Variants in GCM2 observed in about 807,000 individuals in gnomAD.
GCM2 encodes the protein chorion-specific transcription factor GCMb.
Under a neutral mutation model 24.8 loss-of-function variants are expected in GCM2, and 21 were observed. The ratio of observed to expected loss-of-function variants is 0.85; its 90% CI spans 0.60 to 1.22. The LOEUF is 1.22. GCM2 is among the 50% of genes most tolerant of loss of function. GCM2 has a pLI of 0.00. For missense variants in GCM2, 532 were observed against 645.6 expected (o/e 0.82, Z 1.91); for synonymous variants, 222 against 238.0 (o/e 0.93, Z 0.62).
intron 1 of GCM2, 32 bp downstream of exon 1, chr6:10,881,672 C>T: frequency 6.5e-7 from 1 of 1,541,400 alleles, no homozygotes. Context: ...TGGACAGCGC[C>T]CCGCGTGCCC....
intron 4 of GCM2, 36 bp from the exon 5 acceptor site, chr6:10,874,969 T>A: frequency 7.1e-7 from 1 of 1,412,402 alleles, no homozygotes; most frequent in Non-Finnish European, 1.0e-6. Flanking sequence ...ACACGCTATG[T>A]AAATCGTGTG....
intron 1 of GCM2, 37 bp from the exon 2 acceptor site, chr6:10,877,429 C>T (rs1779899922): frequency 3.1e-6 from 5 of 1,611,700 alleles, no homozygotes; most frequent in South Asian, 1.1e-5. Flanking sequence ...TCAGTCTATC[C>T]AGTCCAAACT....
rs755365377 is a variant in GCM2, at chr6:10,874,198, C to T, written c.1318G>A (p.Ala440Thr). ...ATAGGAGGTGGCCCTGAAGGAGAGG[C>T]TGCCCTGGTGACTGTCACCGGAGGA... Reference protein sequence around the residue: ...WGPPVTVTRAASPSGPPPMKI... With the variant: ...WGPPVTVTRATSPSGPPPMKI... Residue 440 changes from alanine to threonine, a missense_variant, in exon 5 of 5, where the codon GCC (alanine) becomes ACC (threonine). By Grantham distance (58) the Ala-to-Thr change is moderately conservative (BLOSUM62 0). Coordinates refer to ENST00000379491, the MANE Select transcript of GCM2 (RefSeq NM_004752.4). 2.5e-6 allele frequency: 4 copies of T among 1,614,222 alleles called. No individual in the cohort carries two copies. In the East Asian group the frequency reaches 8.9e-5, roughly 36 times the overall value.
Position 10,877,338 on chromosome 6 carries a change from T to G in GCM2, c.145A>C (p.Ile49Leu). The change falls in exon 2 of 5, where the codon ATC becomes CTC. Residue 49 changes from isoleucine to leucine, a missense_variant. This residue lies in a region of GCM2 where 96 missense variants were observed against 103.5 expected (regional missense o/e 0.93). Transcript: ENST00000379491. ...GCCTTCTTCTCATCGCTGCTGTAGA[T>G]GAAGCGCACATAGCCGTCAGGCCAC... is the stretch of plus-strand genomic sequence containing the variant. ...REWPDGYVRFIYSSDEKKAQR... is the reference protein window; with the variant it reads ...REWPDGYVRFLYSSDEKKAQR... 5 of 1,614,156 alleles carry G rather than the reference T, an allele frequency of 3.1e-6. No individual in the cohort carries two copies. Among genetic ancestry groups the G allele is most frequent in the Non-Finnish European group, 4.2e-6 (5 of 1,180,016 alleles).
At position 10,876,156 on chromosome 6, in the gene GCM2, G is replaced by T. The variant is rs919694881; in HGVS notation, c.457-140C>A. On this transcript the variant is annotated intron_variant, in intron 3 of 4. Transcript: ENST00000379491. ...CAAAATGACAGAAAAAAAAATTCTT[G>T]AACAAATAAAACAGGCTCAAGAATT... 5 of 896,874 alleles carry T rather than the reference G, an allele frequency of 5.6e-6. No individual in the cohort carries two copies. The African/African-American group carries it at 6.6e-5, about 12-fold the overall frequency. The allele number at this position is 896,874 out of a possible 1,614,324, so 55.6% of individuals were successfully genotyped here.
rs141188465 is a variant in GCM2 at position 10,877,354 on chromosome 6, G to A, written c.129C>T (p.Asp43=). The A allele has an allele frequency of 1.5e-5, 25 of 1,614,020 alleles. No homozygotes were observed. The highest frequency in any genetic ancestry group is 1.2e-4 in the African/African-American group (9 of 74,926). Residue 43 remains aspartate, a synonymous_variant, in exon 2 of 5, where the codon GAC becomes GAT. Transcript: ENST00000379491. ...ALFDQFREWP[D]GYVRFIYSSD... ...TGCTGTAGATGAAGCGCACATAGCC[G>A]TCAGGCCACTCTCGGAATTGGTCAA...
rs115517700 is a variant in GCM2 at position 10,875,304 on chromosome 6, G to A, written c.583-371C>T. ...ATTGTACAAGCCACTTAACCTCTCT[G>A]AGCCTCAGATCCTTCATCTTAAAAA... On this transcript the variant is annotated intron_variant, in intron 4 of 4. Transcript: ENST00000379491. Among the ~76,000 whole-genome samples, 509 of 152,272 alleles carry A rather than the reference G, an allele frequency of 3.3e-3. 4 individuals are homozygous for A. Among genetic ancestry groups the A allele is most frequent in the African/African-American group, 0.011 (464 of 41,524 alleles).
rs1779897687 is a variant in GCM2, at chr6:10,877,332, T to G, written c.151A>C (p.Ser51Arg). 15 of 1,613,976 alleles carry G rather than the reference T, an allele frequency of 9.3e-6. No individual in the cohort carries two copies. The highest frequency in any genetic ancestry group is 1.3e-5 in the African/African-American group (1 of 74,914). Reference protein sequence around the residue: ...WPDGYVRFIYSSDEKKAQRHL... With the variant: ...WPDGYVRFIYRSDEKKAQRHL... ...CGCTGTGCCTTCTTCTCATCGCTGC[T>G]GTAGATGAAGCGCACATAGCCGTCA... The change falls in exon 2 of 5, where the codon AGC becomes CGC. Residue 51 changes from serine to arginine, a missense_variant. Ser to Arg is a moderately radical substitution (Grantham distance 110, BLOSUM62 -1). This residue lies in a region of GCM2 where 96 missense variants were observed against 103.5 expected (regional missense o/e 0.93). Transcript: ENST00000379491.
intron 1 of GCM2, 126 bp downstream of exon 1, chr6:10,881,554 ATGTGTGTGTGTGTGTGTGTGTGTG>A (rs35911329): frequency 9.3e-4 from 402 of 430,836 alleles, no homozygotes; most frequent in African/African-American, 5.4e-3. Flanking sequence ...TTTTGCGGGT[ATGTGTGTGTGTGTGTGTGTGTGTG>A]TGTGTGTGTG....
intron 4 of GCM2, among the ~76,000 whole-genome samples, chr6:10,875,185 A>G (rs571278830): frequency 6.6e-6 from 1 of 152,328 alleles, no homozygotes; most frequent in South Asian, 2.1e-4. Context: ...TCTGAGTGGC[A>G]GATGGTCCTG....
intron 1 of GCM2, among the ~76,000 whole-genome samples, chr6:10,880,556 T>A (rs928525944): frequency 6.6e-6 from 1 of 151,714 alleles, no homozygotes; most frequent in African/African-American, 2.4e-5. Context: ...GACTTCAACA[T>A]CACTCAATTT....
chr6:10,881,084 C>T (rs906281254), intron 1 of GCM2, among the ~76,000 whole-genome samples: 2 of 152,240 alleles, frequency 1.3e-5, no homozygotes, highest in African/African-American at 4.8e-5. Context: ...GCCTGACCAA[C>T]ATTTCCTGCT....
rs759750548 is a variant in GCM2, at chr6:10,874,430, T to C, written c.1086A>G (p.Pro362=). The change falls in exon 5 of 5, where the codon CCA becomes CCG. Residue 362 remains proline, a synonymous_variant. Coordinates refer to ENST00000379491, the MANE Select transcript of GCM2 (RefSeq NM_004752.4). ...QAMATRPYYN[P]ELPCRYLTTP... is the part of the protein sequence containing the mutation. ...TCGTGAGGTACCTGCAGGGAAGCTC[T>C]GGGTTATAATAAGGGCGAGTGGCCA... The C allele has an allele frequency of 1.2e-6, 2 of 1,614,204 alleles. No homozygotes were observed. The highest frequency in any genetic ancestry group is 1.7e-6 in the Non-Finnish European group (2 of 1,180,024).
At chr6:10,878,141 T>A (rs1779908733) in intron 1 of GCM2, among the ~76,000 whole-genome samples, 1 of 152,212 alleles carries the variant, frequency 6.6e-6, no homozygotes, top group Non-Finnish European at 1.5e-5. Flanking sequence ...AATATGGGAC[T>A]GTCATTCTCC....
Position 10,874,810 on chromosome 6 carries a change from G to A in GCM2, c.706C>T (p.Pro236Ser). The A allele has an allele frequency of 6.2e-7, 1 of 1,613,400 alleles. No individual in the cohort carries two copies. Among genetic ancestry groups the A allele is most frequent in the South Asian group, 1.1e-5 (1 of 91,070 alleles). ...PIPGQPCPSF[P>S]KSDVYKATCD... ...GTAGCTTTGTAAACATCAGACTTTGGGAAGGAAGGGCAAGGCTGCCCTGGA... is the reference window on the plus strand; with the variant it reads ...GTAGCTTTGTAAACATCAGACTTTGAGAAGGAAGGGCAAGGCTGCCCTGGA... The change falls in exon 5 of 5, where the codon CCA becomes TCA. Residue 236 changes from proline to serine, a missense_variant. Physicochemically the swap from Pro to Ser is moderately conservative, Grantham distance 74 (BLOSUM62 -1). This residue lies in a region of GCM2 where 434 missense variants were observed against 521.9 expected (regional missense o/e 0.83). Transcript: ENST00000379491.
intron 1 of GCM2, among the ~76,000 whole-genome samples, chr6:10,877,737 G>GGCACCA (rs1381245751): frequency 6.6e-6 from 1 of 152,152 alleles, no homozygotes; most frequent in Non-Finnish European, 1.5e-5. Flanking sequence ...TCTGGATCCA[G>GGCACCA]GATTTGCACC....
rs945731112 is a variant in GCM2, at chr6:10,874,389, G to C, written c.1127C>G (p.Ala376Gly). 1 of 1,614,216 alleles carries C rather than the reference G, an allele frequency of 6.2e-7. No homozygotes were observed. The highest frequency in any genetic ancestry group is 8.5e-7 in the Non-Finnish European group (1 of 1,180,024). ...GGTGATCACGGTTTGTAGGGCAGGG[G>C]CACCTGGTGGTGGAGTCGTGAGGTA... ...CRYLTTPPPG[A>G]PALQTVITTT... Residue 376 changes from alanine to glycine, a missense_variant, in exon 5 of 5, where the codon GCC becomes GGC. Coordinates refer to ENST00000379491, the MANE Select transcript of GCM2 (RefSeq NM_004752.4).
At chr6:10,876,327 C>T (rs1165971767) in intron 3 of GCM2, 118 bp downstream of exon 3, 3 of 762,636 alleles carry the variant, frequency 3.9e-6, no homozygotes, top group Non-Finnish European at 7.0e-6. Flanking sequence ...GCACCTATTT[C>T]TGGCCACTGG....
Position 10,877,300 on chromosome 6 carries a change from C to G in GCM2, c.183G>C (p.Leu61=). The change falls in exon 2 of 5, where the codon CTG becomes CTC. Residue 61 remains leucine, a synonymous_variant. Coordinates refer to ENST00000379491, the MANE Select transcript of GCM2 (RefSeq NM_004752.4). ...TGGTGTTGCGCATGGCCCAGCCGCT[C>G]AGGTGACGCTGTGCCTTCTTCTCAT... ...SSDEKKAQRH[L]SGWAMRNTNN... 6.2e-7 allele frequency: 1 copy of G among 1,614,198 alleles called. No individual in the cohort carries two copies. The highest frequency in any genetic ancestry group is 8.5e-7 in the Non-Finnish European group (1 of 1,180,046).
Sources: gnomAD v4.1 joint callset for allele counts (sites outside exome capture counted in the v4.1 genomes callset) on GRCh38, gnomAD v4.1.1 for gene constraint, gnomAD v4.1.1 regional missense constraint, MANE v1.5 for transcripts, NCBI Gene and HGNC (gene_info 2026-07-23, HGNC 2026-07-21) for gene names.